The following KIAA1614 variants were observed in gnomAD, a reference collection of about 807,000 sequenced individuals.
KIAA1614 encodes KIAA1614.
KIAA1614 carries 76 observed loss-of-function variants against 88.7 expected under a neutral mutation model. The observed-to-expected ratio is 0.86, with a 90% confidence interval of 0.71 to 1.04. The LOEUF (loss-of-function observed/expected upper bound fraction) is 1.04, where lower values mean the gene tolerates loss of function less well. KIAA1614 is among the 50% of genes least tolerant of loss of function. KIAA1614 has a pLI of 0.00. For synonymous variants in KIAA1614, 714 were observed against 675.5 expected (o/e 1.06, Z -0.88); for missense variants, 1,553 against 1,582.5 (o/e 0.98, Z 0.32).
Position 180,935,726 on chromosome 1 carries a change from C to T in KIAA1614, c.1817C>T (p.Ala606Val), listed in dbSNP as rs781716381. The T allele has an allele frequency of 9.3e-6, 15 of 1,613,660 alleles. No individual in the cohort carries two copies. Among genetic ancestry groups the T allele is most frequent in the African/African-American group, 1.3e-5 (1 of 74,936 alleles). Residue 606 changes from alanine to valine, a missense_variant, in exon 5 of 9, where the codon GCG (alanine) becomes GTG (valine). Ala to Val is a moderately conservative substitution (Grantham distance 64, BLOSUM62 0). Transcript: ENST00000367588. The surrounding 1 kb of genome is among the most constrained non-coding windows in gnomAD (Gnocchi z 6.1). Reference sequence around the variant, plus strand: ...CACATCGGAGACACCGTGTGCCCTGCGGAGGTGGACTCTGCCCTGGACAGC... The same window carrying T: ...CACATCGGAGACACCGTGTGCCCTGTGGAGGTGGACTCTGCCCTGGACAGC... Reference protein sequence around the residue: ...ETHIGDTVCPAEVDSALDSTD... With the variant: ...ETHIGDTVCPVEVDSALDSTD...
chr1:180,924,886 A>AAATAATAATAATAATAAT (rs10522338), intron 3 of KIAA1614, among the ~76,000 whole-genome samples: 31,323 of 142,384 alleles, frequency 0.22, 3,802 homozygotes, highest in Admixed American at 0.27. Context: ...GCTAATGATA[A>AAATAATAATAATAATAAT]AATAATAATA....
chr1:180,912,919 C>T lies in KIAA1614; in HGVS notation c.-325C>T, dbSNP rs1653678171. 6.6e-6 allele frequency among the ~76,000 whole-genome samples: 1 copy of T among 151,910 alleles called. No homozygotes were observed. Among genetic ancestry groups the T allele is most frequent in the African/African-American group, 2.4e-5 (1 of 41,404 alleles). On this transcript the variant is annotated 5_prime_UTR_variant, in exon 1 of 9. Coordinates refer to ENST00000367588, the MANE Select transcript of KIAA1614 (RefSeq NM_020950.2). This position sits in a 1 kb window ranked among gnomAD's most constrained non-coding sequence, Gnocchi z 5.1. ...GCCGCTCTTCCCCTCCACGGCAAAG[C>T]CGTGAACGGACAGCTGATGCCACTT...
chr1:180,936,294 G>A lies in KIAA1614; in HGVS notation c.2385G>A (p.Trp795Ter), dbSNP rs776089592. ...AGCCTTCTGCCCCACACCAAGCCTG[G>A]CAGCCAACAGCTTCCTTGTGTCCTG... ...HAEPSAPHQA[W>*]QPTASLCPEG... The change falls in exon 5 of 9, where the codon TGG (tryptophan) becomes TGA (stop). Residue 795 changes from tryptophan (W) to a stop codon, truncating the protein, a stop_gained. Coordinates refer to ENST00000367588, the MANE Select transcript of KIAA1614 (RefSeq NM_020950.2). LOFTEE classifies it high-confidence loss of function. 6.2e-7 allele frequency: 1 copy of A among 1,614,154 alleles called. No homozygotes were observed. The highest frequency in any genetic ancestry group is 1.3e-5 in the African/African-American group (1 of 75,046).
At chr1:180,937,209 T>C (rs1374241864) in intron 5 of KIAA1614, among the ~76,000 whole-genome samples, 1 of 152,274 alleles carries the variant, frequency 6.6e-6, no homozygotes, top group East Asian at 1.9e-4. Flanking sequence ...GGCACTATAC[T>C]AGGCACTGTG....
Position 180,936,055 on chromosome 1 carries a change from C to T in KIAA1614, c.2146C>T (p.Arg716Trp), listed in dbSNP as rs1401527627. The change falls in exon 5 of 9, where the codon CGG becomes TGG. Residue 716 changes from arginine to tryptophan, a missense_variant. Arg to Trp is a moderately radical substitution (Grantham distance 101, BLOSUM62 -3). Coordinates refer to ENST00000367588, the MANE Select transcript of KIAA1614 (RefSeq NM_020950.2). The stretch of plus-strand genomic sequence containing the variant: ...CAAGCCTCCTGACCTGGAGTTGAAG[C>T]GGGTGTCCCTGGGACCCCAGTGGCA... ...DAKPPDLELK[R>W]VSLGPQWQPG... is the part of the protein sequence containing the mutation. The T allele has an allele frequency of 3.1e-6, 5 of 1,613,996 alleles. No homozygotes were observed. The highest frequency in any genetic ancestry group is 1.1e-5 in the South Asian group (1 of 91,082).
At chr1:180,934,775 G>A (rs936034748) in intron 4 of KIAA1614, among the ~76,000 whole-genome samples, 2 of 152,168 alleles carry the variant, frequency 1.3e-5, no homozygotes, top group Non-Finnish European at 2.9e-5. Flanking sequence ...CACAGACGCC[G>A]CACCACCCCA....
chr1:180,917,470 C>T (rs1653845710), intron 2 of KIAA1614, among the ~76,000 whole-genome samples: 1 of 149,482 alleles, frequency 6.7e-6, no homozygotes, highest in Non-Finnish European at 1.5e-5. Flanking sequence ...TCTGGTGGGG[C>T]AAGCAGACAG....
rs975768382 is a variant in KIAA1614, at chr1:180,945,221, A to T, written c.3288-82A>T. On this transcript the variant is annotated intron_variant, in intron 8 of 8. Coordinates refer to ENST00000367588, the MANE Select transcript of KIAA1614 (RefSeq NM_020950.2). Reference sequence around the variant, plus strand: ...TGCCAGGCTCTTAAGTCTGTGAGGCATCGGTCATCTGTAAGCCAGGGAAGA... The same window carrying T: ...TGCCAGGCTCTTAAGTCTGTGAGGCTTCGGTCATCTGTAAGCCAGGGAAGA... 8.3e-6 allele frequency: 12 copies of T among 1,438,172 alleles called. No homozygotes were observed. In the East Asian group the frequency reaches 3.0e-4, roughly 36 times the overall value. 89.1% of individuals were successfully genotyped at this position (1,438,172 alleles called of 1,614,324 possible).
At chr1:180,913,767 T>C (rs1653717313) in intron 1 of KIAA1614, 1 of 152,616 alleles carries the variant, frequency 6.6e-6, no homozygotes, top group South Asian at 2.1e-4. Flanking sequence ...AAACAAAAAG[T>C]TATTTTAACT....
At chr1:180,914,959 G>A (rs1053343490) in intron 1 of KIAA1614, among the ~76,000 whole-genome samples, 5 of 149,018 alleles carry the variant, frequency 3.4e-5, no homozygotes, top group Non-Finnish European at 4.5e-5. Context: ...GAGCCACCGC[G>A]CCTAGCCAAT....
At chr1:180,934,050 T>G (rs1571295204) in intron 4 of KIAA1614, among the ~76,000 whole-genome samples, 1 of 150,778 alleles carries the variant, frequency 6.6e-6, no homozygotes. Flanking sequence ...AGGTCGGGAG[T>G]TCAAGACCAG....
Position 180,916,685 on chromosome 1 carries a change from TC to T in KIAA1614, c.584del (p.Pro195LeufsTer55), listed in dbSNP as rs758670246. 2 of 1,609,488 alleles carry T rather than the reference TC, an allele frequency of 1.2e-6. No homozygotes were observed. The highest frequency in any genetic ancestry group is 1.3e-5 in the African/African-American group (1 of 74,850). On this transcript the variant is annotated frameshift_variant, in exon 2 of 9. Transcript: ENST00000367588. LOFTEE classifies it high-confidence loss of function. Reference sequence around the variant, plus strand: ...GGCCTCCAGAAGCCGAATGGACACTTCCTGACCATGACAGAGGTCCGCTGCT... The same window carrying T: ...GGCCTCCAGAAGCCGAATGGACACTTCTGACCATGACAGAGGTCCGCTGCT... The part of the protein sequence containing the change: ...PWPPEAEWTL[P>X]DHDRGPLLGP...
chr1:180,917,637 T>G (rs772962775), intron 2 of KIAA1614, among the ~76,000 whole-genome samples: 44 of 152,200 alleles, frequency 2.9e-4, no homozygotes, highest in Non-Finnish European at 4.6e-4. Context: ...CATCACCGCA[T>G]GCCTGAGCCC....
chr1:180,941,942 C>T (rs141389405), intron 7 of KIAA1614, among the ~76,000 whole-genome samples: 2,227 of 152,322 alleles, frequency 0.015, 24 homozygotes, highest in Non-Finnish European at 0.022. Context: ...ACCTTCAGGG[C>T]TCTTTCTCCC....
intron 3 of KIAA1614, among the ~76,000 whole-genome samples, chr1:180,927,132 T>C (rs1181422831): frequency 6.6e-6 from 1 of 152,132 alleles, no homozygotes; most frequent in East Asian, 1.9e-4. Context: ...CTCAGAGCTG[T>C]GCCATTTCCA....
chr1:180,917,743 G>A, intron 2 of KIAA1614, 108 bp from the exon 3 acceptor site: 2 of 884,670 alleles, frequency 2.3e-6, no homozygotes, highest in East Asian at 2.4e-5. Context: ...ATTTATCTGG[G>A]GAGTAAGTTG....
chr1:180,942,407 T>TA (rs1558073039), intron 7 of KIAA1614, among the ~76,000 whole-genome samples: 1 of 152,220 alleles, frequency 6.6e-6, no homozygotes, highest in African/African-American at 2.4e-5. Flanking sequence ...CCCGCTCTCC[T>TA]AGGCAGAGTG....
In KIAA1614 at chr1:180,945,461, C is replaced by A; in HGVS notation, c.3446C>A (p.Ala1149Asp). ...GGGGGCACTTTCGGCTTCTGCGTGG[C>A]CTCTGGGAATGGGCGCCCAGACTCA... ...SPGGTFGFCV[A>D]SGNGRPDSGM... The change falls in exon 9 of 9, where the codon GCC (alanine) becomes GAC (aspartate). Residue 1149 changes from alanine (A) to aspartate (D), a missense_variant. By Grantham distance (126) the Ala-to-Asp change is moderately radical. Coordinates refer to ENST00000367588, the MANE Select transcript of KIAA1614 (RefSeq NM_020950.2). The A allele has an allele frequency of 6.2e-7, 1 of 1,612,862 alleles. No homozygotes were observed. Among genetic ancestry groups the A allele is most frequent in the South Asian group, 1.1e-5 (1 of 91,012 alleles).
In KIAA1614 at chr1:180,928,469, G is replaced by T. The variant is rs370308650; in HGVS notation, c.1101G>T (p.Arg367Ser). The T allele has an allele frequency of 9.3e-6, 15 of 1,613,212 alleles. No individual in the cohort carries two copies. The highest frequency in any genetic ancestry group is 2.7e-5 in the African/African-American group (2 of 74,930). The change falls in exon 4 of 9, where the codon AGG becomes AGT. Residue 367 changes from arginine to serine, a missense_variant. Coordinates refer to ENST00000367588, the MANE Select transcript of KIAA1614 (RefSeq NM_020950.2). Reference sequence around the variant, plus strand: ...ACCCGGAGCCTGTGCTGAGCCCCAGGCATGAGGAAGCCACGCATCTGCTGC... The same window carrying T: ...ACCCGGAGCCTGTGCTGAGCCCCAGTCATGAGGAAGCCACGCATCTGCTGC... ...GPNPEPVLSP[R>S]HEEATHLLQR... is the part of the protein sequence containing the mutation.
Sources: allele counts gnomAD v4.1 joint callset (sites outside exome capture counted in the v4.1 genomes callset), GRCh38; gene constraint gnomAD v4.1.1; non-coding constraint Gnocchi (gnomAD v3.1); transcripts MANE v1.5; gene names NCBI Gene and HGNC (gene_info 2026-07-23, HGNC 2026-07-21).